Variants in MYT1L observed in about 807,000 individuals in gnomAD.
MYT1L encodes myelin transcription factor 1-like protein.
MYT1L carries 12 observed loss-of-function variants against 126.7 expected under a neutral mutation model. The observed-to-expected ratio is 0.09, with a 90% CI of 0.06 to 0.15. MYT1L has a LOEUF of 0.15. Ranked by LOEUF, MYT1L falls within the 10% of genes least tolerant of loss-of-function variation. The pLI, the probability that MYT1L is intolerant of heterozygous loss-of-function variation, is 1.00. For missense variants in MYT1L, 979 were observed against 1,585.2 expected, an observed-to-expected ratio of 0.62 and a Z score of 6.49; for synonymous variants, 541 against 604.2, an observed-to-expected ratio of 0.90 and a Z score of 1.53.
chr2:2,322,174 T>G (rs2096178872), intron 1 of MYT1L, among the ~76,000 whole-genome samples: 1 of 151,662 alleles, frequency 6.6e-6, no homozygotes, highest in Non-Finnish European at 1.5e-5. Context: ...TTTTTTTTTC[T>G]TTCACAATCA....
At position 1,792,516 on chromosome 2, in the gene MYT1L, C is replaced by T. The variant is rs565764893; in HGVS notation, c.3277-52G>A. Reference sequence around the variant, plus strand: ...GTAACACCAGGAGGACCTAGGAGCGCGTGGTCGTTGCCGGGGGCCACAGTC... The same window carrying T: ...GTAACACCAGGAGGACCTAGGAGCGTGTGGTCGTTGCCGGGGGCCACAGTC... On this transcript the variant is annotated intron_variant, in intron 23 of 24. Coordinates refer to ENST00000647738, the MANE Select transcript of MYT1L (RefSeq NM_001303052.2). 21 of 1,569,434 alleles carry T rather than the reference C, an allele frequency of 1.3e-5. No homozygotes were observed. In the East Asian group the frequency reaches 1.8e-4, roughly 14 times the overall value.
intron 4 of MYT1L, among the ~76,000 whole-genome samples, chr2:2,026,310 C>T (rs1239717338): frequency 6.6e-6 from 1 of 152,130 alleles, no homozygotes; most frequent in Non-Finnish European, 1.5e-5. Flanking sequence ...CCCATCTCTG[C>T]CCGCACCAGA....
chr2:2,113,981 C>T (rs2079857823), intron 3 of MYT1L, among the ~76,000 whole-genome samples: 1 of 151,746 alleles, frequency 6.6e-6, no homozygotes, highest in African/African-American at 2.4e-5. Context: ...ATTACTGCCT[C>T]CATTACACAG....
At chr2:2,053,252 T>C (rs565077733) in intron 4 of MYT1L, among the ~76,000 whole-genome samples, 2 of 151,750 alleles carry the variant, frequency 1.3e-5, no homozygotes, top group Admixed American at 6.6e-5. Flanking sequence ...ACCCAGAGAG[T>C]GTGGGGGAGG....
intron 4 of MYT1L, among the ~76,000 whole-genome samples, chr2:2,012,371 C>T (rs2063916594): frequency 6.6e-6 from 1 of 152,210 alleles, no homozygotes; most frequent in Non-Finnish European, 1.5e-5. Flanking sequence ...TCTCACACGG[C>T]CACGTCTAAT....
intron 23 of MYT1L, among the ~76,000 whole-genome samples, chr2:1,794,903 A>G (rs763197761): frequency 6.6e-6 from 1 of 152,172 alleles, no homozygotes; most frequent in Non-Finnish European, 1.5e-5. Context: ...CAAAATGATA[A>G]TCTCCTGAAC....
chr2:2,288,705 C>T (rs1432791363), intron 1 of MYT1L, among the ~76,000 whole-genome samples: 1 of 152,130 alleles, frequency 6.6e-6, no homozygotes, highest in Non-Finnish European at 1.5e-5. Context: ...AATTCTTCCA[C>T]TTGCATTATA....
intron 5 of MYT1L, among the ~76,000 whole-genome samples, chr2:1,983,376 T>C (rs2060753511): frequency 6.6e-6 from 1 of 152,256 alleles, no homozygotes; most frequent in African/African-American, 2.4e-5. Flanking sequence ...AACCCAAATC[T>C]GAAGGGTTTC....
At chr2:2,310,064 C>T (rs1366855477) in intron 1 of MYT1L, among the ~76,000 whole-genome samples, 1 of 151,958 alleles carries the variant, frequency 6.6e-6, no homozygotes, top group Non-Finnish European at 1.5e-5. Context: ...TAGACTCCAC[C>T]TACACTTTTA....
chr2:2,312,377 G>A lies in MYT1L; in HGVS notation c.-521+18590C>T, dbSNP rs529528590. Among the ~76,000 whole-genome samples, 9 of 152,208 alleles carry A rather than the reference G, an allele frequency of 5.9e-5. No individual in the cohort carries two copies. The South Asian group carries it at 6.2e-4, about 11-fold the overall frequency. ...TGTAATCCTAGCACTTTGAGAGGCC[G>A]AGACAGGTGGATCGCTCGAGCTCAG... is the stretch of plus-strand genomic sequence containing the variant. On this transcript the variant is annotated intron_variant, in intron 1 of 24. Coordinates refer to ENST00000647738, the MANE Select transcript of MYT1L (RefSeq NM_001303052.2).
chr2:1,888,440 C>T (rs1407548245), intron 16 of MYT1L, among the ~76,000 whole-genome samples: 3 of 152,128 alleles, frequency 2.0e-5, no homozygotes, highest in Admixed American at 2.0e-4. Flanking sequence ...AAGCAGGTGC[C>T]CTCTCTGCCA....
intron 8 of MYT1L, among the ~76,000 whole-genome samples, chr2:1,963,712 C>T (rs902473527): frequency 3.3e-5 from 5 of 152,228 alleles, no homozygotes; most frequent in Non-Finnish European, 5.9e-5. Flanking sequence ...ACCTCATAAA[C>T]CCACCTCTGC....
intron 1 of MYT1L, among the ~76,000 whole-genome samples, chr2:2,313,050 T>C (rs2096001623): frequency 7.1e-6 from 1 of 140,172 alleles, no homozygotes; most frequent in Non-Finnish European, 1.5e-5. Context: ...AAAATAGCAA[T>C]GAACTTAGAG....
At chr2:1,813,018 C>T (rs528882791) in intron 21 of MYT1L, among the ~76,000 whole-genome samples, 24 of 152,256 alleles carry the variant, frequency 1.6e-4, no homozygotes, top group African/African-American at 5.5e-4. Flanking sequence ...GTCCACGGTG[C>T]GTGTGGCCCA....
chr2:2,223,887 G>C (rs2093946294), intron 2 of MYT1L, among the ~76,000 whole-genome samples: 1 of 152,154 alleles, frequency 6.6e-6, no homozygotes, highest in African/African-American at 2.4e-5. Context: ...ACCTCAGCTG[G>C]AGGCACTCCA....
chr2:2,226,667 A>G (rs1048547437), intron 2 of MYT1L, among the ~76,000 whole-genome samples: 1 of 152,104 alleles, frequency 6.6e-6, no homozygotes, highest in African/African-American at 2.4e-5. Flanking sequence ...CATGACCTCT[A>G]TCAACTCATC....
intron 1 of MYT1L, among the ~76,000 whole-genome samples, chr2:2,305,344 G>A (rs988396458): frequency 2.0e-5 from 3 of 152,224 alleles, no homozygotes; most frequent in Non-Finnish European, 2.9e-5. Flanking sequence ...TGGCTGAAAT[G>A]TGTGCCCTGA....
At chr2:2,130,664 T>G (rs1473691494) in intron 3 of MYT1L, among the ~76,000 whole-genome samples, 1 of 151,940 alleles carries the variant, frequency 6.6e-6, no homozygotes, top group Non-Finnish European at 1.5e-5. Context: ...CATAATGGAG[T>G]AAGAACAGGT....
intron 4 of MYT1L, among the ~76,000 whole-genome samples, chr2:2,026,337 G>A (rs1371565827): frequency 6.6e-6 from 1 of 152,160 alleles, no homozygotes; most frequent in Non-Finnish European, 1.5e-5. Context: ...TGAGGAGAAG[G>A]GTTCAGAGAC....
Sources: gnomAD v4.1 joint callset for allele counts (sites outside exome capture counted in the v4.1 genomes callset) on GRCh38, gnomAD v4.1.1 for gene constraint, MANE v1.5 for transcripts, NCBI Gene and HGNC (gene_info 2026-07-23, HGNC 2026-07-21) for gene names.